Variants in SGF29 observed in about 807,000 individuals in gnomAD.
The protein encoded by SGF29 is SAGA-associated factor 29.
Under a neutral mutation model 38.1 loss-of-function variants are expected in SGF29, and 15 were observed. That is an observed-to-expected ratio of 0.39 (90% confidence interval 0.26 to 0.61). The LOEUF (loss-of-function observed/expected upper bound fraction) is 0.61, where lower values mean the gene tolerates loss of function less well. Ranked by LOEUF, SGF29 falls within the 20% of genes least tolerant of loss-of-function variation. The pLI, the probability that SGF29 is intolerant of heterozygous loss-of-function variation, is 0.49. For synonymous variants in SGF29, 151 were observed against 160.8 expected (o/e 0.94, Z 0.46); for missense variants, 184 against 394.6 (o/e 0.47, Z 4.52).
At chr16:28,554,476 G>C (rs2046733800) in intron 1 of SGF29, among the ~76,000 whole-genome samples, 1 of 152,142 alleles carries the variant, frequency 6.6e-6, no homozygotes, top group Non-Finnish European at 1.5e-5. Context: ...TTTATGATTT[G>C]CACAAAAATT....
rs1567286241 is a variant in SGF29 at position 28,564,775 on chromosome 16, A to ATATATG, written c.-16+10683_-16+10684insGTATAT. Among the ~76,000 whole-genome samples the ATATATG allele has an allele frequency of 6.3e-5, 3 of 47,484 alleles. 1 individual carries two copies. Among genetic ancestry groups the ATATATG allele is most frequent in the Non-Finnish European group, 1.5e-4 (3 of 20,090 alleles). The allele number at this position is 47,484 out of a possible 152,430, so 31.2% of individuals were successfully genotyped here. A position where few individuals can be genotyped will look rare whatever the true frequency, so the allele number is the denominator to read the frequency against. On this transcript the variant is annotated intron_variant, in intron 1 of 9. Coordinates refer to ENST00000317058, the MANE Select transcript of SGF29 (RefSeq NM_138414.3). ...TATATGTATATATGTATATATATGTATATATATATATACACACACACACAC... is the reference window on the plus strand; with the variant it reads ...TATATGTATATATGTATATATATGTATATATGTATATATATATACACACACACACAC...
chr16:28,564,692 T>TATATATAC, intron 1 of SGF29, among the ~76,000 whole-genome samples: 1 of 89,320 alleles, frequency 1.1e-5, no homozygotes, highest in Non-Finnish European at 2.2e-5. Flanking sequence ...TATGTGTATA[T>TATATATAC]ATATGTATAT....
chr16:28,576,311 C>A (rs962865053), intron 1 of SGF29, among the ~76,000 whole-genome samples: 2 of 151,958 alleles, frequency 1.3e-5, no homozygotes, highest in African/African-American at 2.4e-5. Flanking sequence ...GGGCATAATA[C>A]CTGGGTGATG....
intron 1 of SGF29, among the ~76,000 whole-genome samples, chr16:28,569,780 G>A (rs2046854302): frequency 6.6e-6 from 1 of 152,328 alleles, no homozygotes; most frequent in Admixed American, 6.5e-5. Context: ...GGATGACCCC[G>A]AAGGCATGTG....
At chr16:28,566,293 A>C (rs556242034) in intron 1 of SGF29, among the ~76,000 whole-genome samples, 1 of 150,934 alleles carries the variant, frequency 6.6e-6, no homozygotes, top group South Asian at 2.1e-4. Context: ...AAGAAAAAGA[A>C]AAAGAAAGAG....
rs1326798833 is a variant in SGF29 at position 28,564,719 on chromosome 16, ATATATATACATATATATG to A, written c.-16+10630_-16+10647del. 3.1e-4 allele frequency among the ~76,000 whole-genome samples: 27 copies of A among 86,474 alleles called. 1 individual carries two copies. The highest frequency in any genetic ancestry group is 5.4e-3 in the Middle Eastern group (1 of 184). The allele number at this position is 86,474 out of a possible 152,430, so 56.7% of individuals were successfully genotyped here. ...TATGTATATATATACATATATATGT[ATATATATACATATATATG>A]TATATATGTATATATATGTATATAT... On this transcript the variant is annotated intron_variant, in intron 1 of 9. Coordinates refer to ENST00000317058, the MANE Select transcript of SGF29 (RefSeq NM_138414.3).
intron 1 of SGF29, among the ~76,000 whole-genome samples, chr16:28,564,574 TATAC>T (rs2046813466): frequency 7.5e-6 from 1 of 133,028 alleles, no homozygotes; most frequent in African/African-American, 2.8e-5. Context: ...TACGTATATA[TATAC>T]ACGTATATAT....
intron 1 of SGF29, among the ~76,000 whole-genome samples, chr16:28,580,332 A>G (rs1287041148): frequency 1.3e-5 from 2 of 152,198 alleles, no homozygotes; most frequent in Non-Finnish European, 2.9e-5. Flanking sequence ...TTAAGACAAG[A>G]GAAATTTATT....
rs2046726745 is a variant in SGF29, at chr16:28,554,020, C to T, written c.-93C>T. On this transcript the variant is annotated 5_prime_UTR_variant, in exon 1 of 10. Coordinates refer to ENST00000317058, the MANE Select transcript of SGF29 (RefSeq NM_138414.3). ...CAGGTCTGTGATCATCCGCAGACTCCGAAAAAGGGTTCGAGGAACGCGCCT... is the reference window on the plus strand; with the variant it reads ...CAGGTCTGTGATCATCCGCAGACTCTGAAAAAGGGTTCGAGGAACGCGCCT... The T allele has an allele frequency of 6.6e-6, 1 of 152,260 alleles. No homozygotes were observed. Among genetic ancestry groups the T allele is most frequent in the African/African-American group, 2.4e-5 (1 of 41,432 alleles). The allele number at this position is 152,260 out of a possible 1,614,324, so 9.4% of individuals were successfully genotyped here.
chr16:28,579,558 A>G (rs1009427260), intron 1 of SGF29, among the ~76,000 whole-genome samples: 2 of 150,382 alleles, frequency 1.3e-5, no homozygotes, highest in Non-Finnish European at 3.0e-5. Flanking sequence ...GCCCGGCCCT[A>G]ATTATCTTTT....
intron 1 of SGF29, among the ~76,000 whole-genome samples, chr16:28,558,551 G>A (rs991956415): frequency 2.6e-5 from 4 of 152,276 alleles, no homozygotes; most frequent in South Asian, 4.2e-4. Context: ...GAGCCACTGC[G>A]ACCCGCCTGT....
chr16:28,555,426 A>C (rs2151639586), intron 1 of SGF29, among the ~76,000 whole-genome samples: 1 of 152,364 alleles, frequency 6.6e-6, no homozygotes, highest in African/African-American at 2.4e-5. Context: ...CAGTGAGCCA[A>C]GATCGTGCCA....
Position 28,590,256 on chromosome 16 carries a change from G to T in SGF29, c.419+31G>T. ...GGCAGCAGCTGCGAGGGAGGGGCTG[G>T]TGCCCAGGGGCTGGGACTGACCCTT... On this transcript the variant is annotated intron_variant, in intron 6 of 9. Coordinates refer to ENST00000317058, the MANE Select transcript of SGF29 (RefSeq NM_138414.3). The surrounding 1 kb of genome is among the most constrained non-coding windows in gnomAD (Gnocchi z 8.2). 1 of 1,608,968 alleles carries T rather than the reference G, an allele frequency of 6.2e-7. No homozygotes were observed. The highest frequency in any genetic ancestry group is 1.1e-5 in the South Asian group (1 of 90,120).
chr16:28,570,683 A>G (rs1463108201), intron 1 of SGF29, among the ~76,000 whole-genome samples: 1 of 151,742 alleles, frequency 6.6e-6, no homozygotes, highest in African/African-American at 2.4e-5. Context: ...GGTTTAAGTG[A>G]TTCTCCTGCC....
intron 4 of SGF29, 90 bp from the exon 5 acceptor site, chr16:28,589,010 T>G: frequency 7.1e-7 from 1 of 1,415,516 alleles, no homozygotes; most frequent in Non-Finnish European, 1.0e-6. Context: ...GCCTGGGCAA[T>G]GTAGCTTGAC....
At chr16:28,586,019 C>A (rs1046774114) in intron 4 of SGF29, among the ~76,000 whole-genome samples, 3 of 152,186 alleles carry the variant, frequency 2.0e-5, no homozygotes, top group Non-Finnish European at 2.9e-5. Flanking sequence ...TAGCTCAGAT[C>A]TGTAATCACA....
intron 4 of SGF29, among the ~76,000 whole-genome samples, chr16:28,587,274 T>C (rs1567292796): frequency 6.6e-6 from 1 of 152,124 alleles, no homozygotes; most frequent in Non-Finnish European, 1.5e-5. Flanking sequence ...TTTTTAAACT[T>C]CCCCCAGGAG....
intron 1 of SGF29, among the ~76,000 whole-genome samples, chr16:28,554,408 C>G (rs561599561): frequency 6.6e-6 from 1 of 152,194 alleles, no homozygotes; most frequent in African/African-American, 2.4e-5. Flanking sequence ...AGGTGGGGTA[C>G]TCGGACCCGG....
intron 1 of SGF29, among the ~76,000 whole-genome samples, chr16:28,568,089 G>A (rs1249898380): frequency 6.6e-6 from 1 of 151,884 alleles, no homozygotes; most frequent in Non-Finnish European, 1.5e-5. Context: ...GAGGTGGGTG[G>A]ATCACCTGAG....
Sources: allele counts gnomAD v4.1 joint callset (sites outside exome capture counted in the v4.1 genomes callset), GRCh38; gene constraint gnomAD v4.1.1; non-coding constraint Gnocchi (gnomAD v3.1); transcripts MANE v1.5; gene names NCBI Gene and HGNC (gene_info 2026-07-23, HGNC 2026-07-21).